RERG: variants seen among roughly 807,000 people sequenced by gnomAD.
The protein encoded by RERG is ras-related and estrogen-regulated growth inhibitor.
A neutral mutation model predicts 23.2 loss-of-function variants in RERG; 25 were observed. The ratio of observed to expected loss-of-function variants is 1.08; its 90% CI spans 0.79 to 1.50. RERG has a LOEUF of 1.50. Among genes scored for constraint, RERG ranks in the 40% most tolerant of loss-of-function variants. The pLI is 0.00. For synonymous variants in RERG, 81 were observed against 89.1 expected (o/e 0.91, Z 0.51); for missense variants, 253 against 250.1 (o/e 1.01, Z -0.08).
At chr12:15,197,473 G>GC (rs2136138689) in intron 2 of RERG, among the ~76,000 whole-genome samples, 1 of 152,252 alleles carries the variant, frequency 6.6e-6, no homozygotes, top group South Asian at 2.1e-4. Flanking sequence ...TCAGGTACCA[G>GC]CTCTGCCACT....
intron 2 of RERG, among the ~76,000 whole-genome samples, chr12:15,142,787 C>A (rs540208288): frequency 1.1e-4 from 17 of 152,168 alleles, no homozygotes; most frequent in South Asian, 4.2e-4. Flanking sequence ...CTAAAAAAAA[C>A]CCCTGAAATA....
chr12:15,122,403 T>C (rs571982663), intron 2 of RERG, among the ~76,000 whole-genome samples: 1 of 152,310 alleles, frequency 6.6e-6, no homozygotes, highest in East Asian at 1.9e-4. Flanking sequence ...TACAGTTTTA[T>C]ATGGGAGATG....
intron 2 of RERG, among the ~76,000 whole-genome samples, chr12:15,216,233 T>C (rs1451274024): frequency 6.6e-6 from 1 of 152,226 alleles, no homozygotes; most frequent in Non-Finnish European, 1.5e-5. Flanking sequence ...AGTTTAACTA[T>C]CTTCAATCTT....
chr12:15,116,157 C>T (rs965963994), intron 3 of RERG, among the ~76,000 whole-genome samples: 8 of 152,288 alleles, frequency 5.3e-5, no homozygotes, highest in Admixed American at 3.3e-4. Context: ...GTTCTCCCAA[C>T]GATTTTCTTT....
chr12:15,117,661 T>C (rs1863747948), intron 3 of RERG, among the ~76,000 whole-genome samples: 1 of 134,278 alleles, frequency 7.4e-6, no homozygotes, highest in Admixed American at 8.0e-5. Context: ...TCCAAATGCC[T>C]CCATCACACA....
chr12:15,219,789 T>C (rs866713192), intron 1 of RERG, among the ~76,000 whole-genome samples: 55 of 152,182 alleles, frequency 3.6e-4, no homozygotes, highest in African/African-American at 1.3e-3. Flanking sequence ...ATGCAAGTAA[T>C]TATCTGTCTG....
intron 2 of RERG, among the ~76,000 whole-genome samples, chr12:15,213,996 ATG>A (rs59427690): frequency 0.2 from 25,898 of 130,572 alleles, 2,372 homozygotes; most frequent in Admixed American, 0.27. Flanking sequence ...CAGAGAAAGT[ATG>A]TGTGTGTGTG....
intron 2 of RERG, among the ~76,000 whole-genome samples, chr12:15,148,745 C>T (rs1864377108): frequency 6.8e-6 from 1 of 147,996 alleles, no homozygotes; most frequent in African/African-American, 2.5e-5. Flanking sequence ...ATTCCAGCAT[C>T]ATTATTAACA....
chr12:15,144,945 T>C (rs1591646252), intron 2 of RERG, among the ~76,000 whole-genome samples: 1 of 152,218 alleles, frequency 6.6e-6, no homozygotes, highest in Non-Finnish European at 1.5e-5. Context: ...GGAGCAATAA[T>C]GTGGAGAAGC....
intron 2 of RERG, among the ~76,000 whole-genome samples, chr12:15,205,275 G>C (rs1865267989): frequency 6.6e-6 from 1 of 151,924 alleles, no homozygotes; most frequent in Admixed American, 6.6e-5. Flanking sequence ...TGGGCTTATA[G>C]AGGGAGGACT....
At chr12:15,115,525 C>T (rs1863703785) in intron 3 of RERG, among the ~76,000 whole-genome samples, 1 of 152,082 alleles carries the variant, frequency 6.6e-6, no homozygotes, top group Admixed American at 6.6e-5. Flanking sequence ...GCCTCCCACA[C>T]ACTAATAATA....
chr12:15,150,463 A>G (rs1864421641), intron 2 of RERG, among the ~76,000 whole-genome samples: 1 of 152,174 alleles, frequency 6.6e-6, no homozygotes, highest in African/African-American at 2.4e-5. Flanking sequence ...GATAAAGAAT[A>G]TCTAACTCAT....
chr12:15,215,628 G>C (rs1865430036), intron 2 of RERG, among the ~76,000 whole-genome samples: 2 of 152,084 alleles, frequency 1.3e-5, no homozygotes, highest in African/African-American at 4.8e-5. Context: ...CAATGAATGG[G>C]AGAGTTAAAA....
At chr12:15,159,131 C>A (rs1307374571) in intron 2 of RERG, among the ~76,000 whole-genome samples, 1 of 152,144 alleles carries the variant, frequency 6.6e-6, no homozygotes, top group Non-Finnish European at 1.5e-5. Context: ...GTCTTTCTCC[C>A]TGTTGATTTT....
chr12:15,109,993 C>T (rs1488808490), intron 4 of RERG, among the ~76,000 whole-genome samples: 3 of 152,026 alleles, frequency 2.0e-5, no homozygotes, highest in Non-Finnish European at 4.4e-5. Context: ...TTTTAATTTT[C>T]TCTTTCTTCA....
chr12:15,122,092 C>T (rs1863842515), intron 2 of RERG, among the ~76,000 whole-genome samples: 1 of 151,940 alleles, frequency 6.6e-6, no homozygotes, highest in South Asian at 2.1e-4. Context: ...GCATTGGATC[C>T]TTTTCCTGAA....
chr12:15,194,715 A>C (rs1462228636), intron 2 of RERG, among the ~76,000 whole-genome samples: 1 of 152,110 alleles, frequency 6.6e-6, no homozygotes, highest in Non-Finnish European at 1.5e-5. Flanking sequence ...TTGGTTAACA[A>C]CAGCAGGATC....
chr12:15,121,180 C>T (rs1213805216), intron 2 of RERG, 61 bp from the exon 3 acceptor site: 5 of 1,316,544 alleles, frequency 3.8e-6, no homozygotes, highest in Middle Eastern at 1.8e-4. Context: ...GCACACCTAT[C>T]TTTTTAAGGA....
chr12:15,172,977 G>A (rs1864797278), intron 2 of RERG, among the ~76,000 whole-genome samples: 1 of 151,806 alleles, frequency 6.6e-6, no homozygotes, highest in Admixed American at 6.6e-5. Flanking sequence ...AAAGTTTCCA[G>A]TTTTCATAAA....
Sources: allele counts gnomAD v4.1 joint callset (sites outside exome capture counted in the v4.1 genomes callset), GRCh38; gene constraint gnomAD v4.1.1; transcripts MANE v1.5; gene names NCBI Gene and HGNC (gene_info 2026-07-23, HGNC 2026-07-21).